Variants in SLIT3 observed in about 807,000 individuals in gnomAD.
SLIT3 encodes slit homolog 3 protein.
Under a neutral mutation model 184.0 loss-of-function variants are expected in SLIT3, and 68 were observed. The observed-to-expected ratio is 0.37, with a 90% CI of 0.30 to 0.45. SLIT3 has a LOEUF of 0.45. Among genes scored for constraint, SLIT3 ranks in the 20% least tolerant of loss-of-function variants. The pLI is 1.00. For missense variants in SLIT3, 1,707 were observed against 2,026.0 expected (o/e 0.84, Z 3.02); for synonymous variants, 831 against 828.6 (o/e 1.00, Z -0.05).
chr5:168,991,877 C>T (rs1214300808), intron 4 of SLIT3, among the ~76,000 whole-genome samples: 2 of 152,222 alleles, frequency 1.3e-5, no homozygotes, highest in Non-Finnish European at 2.9e-5. Flanking sequence ...GTCTCTGACC[C>T]AGGAGCCTGG....
At chr5:169,132,657 T>C (rs1761349187) in intron 4 of SLIT3, among the ~76,000 whole-genome samples, 1 of 152,166 alleles carries the variant, frequency 6.6e-6, no homozygotes, top group Non-Finnish European at 1.5e-5. Flanking sequence ...TCAAAAAGCA[T>C]GTTCCGTATC....
chr5:169,042,208 C>T (rs1453890967), intron 4 of SLIT3, among the ~76,000 whole-genome samples: 3 of 152,258 alleles, frequency 2.0e-5, no homozygotes, highest in African/African-American at 7.2e-5. Context: ...CCCTCAATAC[C>T]TTCATACAGA....
At chr5:168,844,770 G>A (rs567031165) in intron 5 of SLIT3, 115 bp from the exon 6 acceptor site, 26 of 836,746 alleles carry the variant, frequency 3.1e-5, no homozygotes, top group Non-Finnish European at 4.7e-5. Context: ...GCTGGTCCCC[G>A]CCAGGAGCTC....
At chr5:168,763,978 G>T (rs535397360) in intron 14 of SLIT3, among the ~76,000 whole-genome samples, 13 of 152,214 alleles carry the variant, frequency 8.5e-5, no homozygotes, top group Non-Finnish European at 1.6e-4. Context: ...GCATTTAGGA[G>T]CATTAGCTTT....
intron 5 of SLIT3, among the ~76,000 whole-genome samples, chr5:168,869,358 C>G (rs1759427510): frequency 6.6e-6 from 1 of 152,162 alleles, no homozygotes; most frequent in African/African-American, 2.4e-5. Flanking sequence ...AATCATTTCA[C>G]TTTTGTATGC....
chr5:168,988,288 T>C (rs1242957212), intron 4 of SLIT3, among the ~76,000 whole-genome samples: 1 of 152,226 alleles, frequency 6.6e-6, no homozygotes, highest in Non-Finnish European at 1.5e-5. Context: ...ACTCCATAGA[T>C]ATGGTTTCCC....
At chr5:168,970,645 T>C (rs1205270874) in intron 4 of SLIT3, among the ~76,000 whole-genome samples, 1 of 152,208 alleles carries the variant, frequency 6.6e-6, no homozygotes, top group Admixed American at 6.5e-5. Context: ...ACAGCTGTCA[T>C]AGCAAGTTAT....
At chr5:168,689,414 T>C (rs1761843562) in intron 29 of SLIT3, among the ~76,000 whole-genome samples, 1 of 152,196 alleles carries the variant, frequency 6.6e-6, no homozygotes, top group African/African-American at 2.4e-5. Context: ...TTCCAGGACA[T>C]CTGGAGTCTC....
At chr5:168,878,248 G>A (rs534788347) in intron 5 of SLIT3, among the ~76,000 whole-genome samples, 6 of 152,298 alleles carry the variant, frequency 3.9e-5, no homozygotes, top group East Asian at 1.9e-4. Flanking sequence ...CAGTAATTGC[G>A]TAGAGTGGCA....
At chr5:169,241,274 ATGTTTTAT>A (rs1445484266) in intron 3 of SLIT3, among the ~76,000 whole-genome samples, 1 of 152,184 alleles carries the variant, frequency 6.6e-6, no homozygotes, top group African/African-American at 2.4e-5. Context: ...TTTGAGTTTC[ATGTTTTAT>A]CACATCATAT....
chr5:169,290,758 T>G (rs1210955805), intron 1 of SLIT3, among the ~76,000 whole-genome samples: 1 of 149,642 alleles, frequency 6.7e-6, no homozygotes, highest in African/African-American at 2.5e-5. Context: ...GGGCATACAC[T>G]GGGGCACATG....
Position 168,708,395 on chromosome 5 carries a change from C to A in SLIT3, c.2720-295G>T. 1.1e-5 allele frequency: 5 copies of A among 472,018 alleles called. 1 individual carries two copies. Among genetic ancestry groups the A allele is most frequent in the Non-Finnish European group, 1.5e-5 (4 of 259,300 alleles). 29.2% of individuals were successfully genotyped at this position (472,018 alleles called of 1,614,324 possible). ...TTTTGGTGCTAATCTGCAAACAATG[C>A]ACCATAATTAGAAACCCCCTGTGTA... On this transcript the variant is annotated intron_variant, in intron 25 of 35. Transcript: ENST00000519560.
chr5:169,047,517 ACCT>A (rs1757666451), intron 4 of SLIT3, among the ~76,000 whole-genome samples: 2 of 62,410 alleles, frequency 3.2e-5, no homozygotes, highest in African/African-American at 3.1e-4. Context: ...CCTAGATGGA[ACCT>A]ACCCTTCCAT....
intron 18 of SLIT3, 118 bp downstream of exon 18, chr5:168,752,837 G>GT (rs1346790832): frequency 1.9e-6 from 2 of 1,065,190 alleles, no homozygotes; most frequent in East Asian, 5.0e-5. Context: ...AGCCTGACGA[G>GT]TTTTTAAGTG....
intron 1 of SLIT3, among the ~76,000 whole-genome samples, chr5:169,268,411 C>T (rs950233996): frequency 6.6e-6 from 1 of 152,232 alleles, no homozygotes; most frequent in Non-Finnish European, 1.5e-5. Flanking sequence ...CAGTCATTTT[C>T]CTGCCTGTCT....
chr5:168,704,709 T>C (rs1762326791), intron 26 of SLIT3, among the ~76,000 whole-genome samples: 2 of 152,216 alleles, frequency 1.3e-5, no homozygotes, highest in South Asian at 4.1e-4. Flanking sequence ...CTACCAAATG[T>C]TACACAGTGA....
At chr5:169,226,591 G>C (rs1348314593) in intron 3 of SLIT3, among the ~76,000 whole-genome samples, 1 of 152,194 alleles carries the variant, frequency 6.6e-6, no homozygotes, top group Non-Finnish European at 1.5e-5. Context: ...CTAGCTCAGA[G>C]AATGAAATCA....
intron 4 of SLIT3, among the ~76,000 whole-genome samples, chr5:168,970,107 G>C (rs1754514592): frequency 6.6e-6 from 1 of 152,184 alleles, no homozygotes; most frequent in Admixed American, 6.5e-5. Flanking sequence ...TGTGAACCCA[G>C]GAGGCGGAGT....
At chr5:168,805,832 A>C (rs775193588) in intron 9 of SLIT3, among the ~76,000 whole-genome samples, 7 of 152,204 alleles carry the variant, frequency 4.6e-5, no homozygotes, top group Non-Finnish European at 8.8e-5. Flanking sequence ...CCACTATTTT[A>C]CAGAGTACCT....
Sources: allele counts gnomAD v4.1 joint callset (sites outside exome capture counted in the v4.1 genomes callset), GRCh38; gene constraint gnomAD v4.1.1; transcripts MANE v1.5; gene names NCBI Gene and HGNC (gene_info 2026-07-23, HGNC 2026-07-21).